HMCN1: variants seen among roughly 807,000 people sequenced by gnomAD.
The protein encoded by HMCN1 is hemicentin 1.
A neutral mutation model predicts 625.9 loss-of-function variants in HMCN1; 321 were observed. That is an observed-to-expected ratio of 0.51 (90% CI 0.47 to 0.56). HMCN1 has a LOEUF of 0.56. Among genes scored for constraint, HMCN1 ranks in the 20% least tolerant of loss-of-function variants. The pLI is 0.00. For missense variants in HMCN1, 6,588 were observed against 6,887.3 expected, an observed-to-expected ratio of 0.96 and a Z score of 1.54; for synonymous variants, 2,425 against 2,417.6, an observed-to-expected ratio of 1.00 and a Z score of -0.09.
rs1404575992 is a variant in HMCN1 at position 186,019,537 on chromosome 1, A to T, written c.5471-4A>T. On this transcript the variant is annotated splice_region_variant and splice_polypyrimidine_tract_variant and intron_variant, in intron 34 of 106. Transcript: ENST00000271588. ...CATTCCCTCTCCCCCTTCCTTAAAT[A>T]TAGTTCCTCCAACAATCAAGTCCTC... is the stretch of plus-strand genomic sequence containing the variant. 6.2e-7 allele frequency: 1 copy of T among 1,605,392 alleles called. No individual in the cohort carries two copies. The highest frequency in any genetic ancestry group is 8.5e-7 in the Non-Finnish European group (1 of 1,172,754).
At chr1:185,945,969 G>A (rs1309750234) in intron 11 of HMCN1, among the ~76,000 whole-genome samples, 2 of 152,178 alleles carry the variant, frequency 1.3e-5, no homozygotes, top group Non-Finnish European at 2.9e-5. Flanking sequence ...TTATGCTCTG[G>A]GAGATTTAGG....
intron 65 of HMCN1, 101 bp from the exon 66 acceptor site, chr1:186,093,385 G>A: frequency 6.3e-7 from 1 of 1,578,822 alleles, no homozygotes; most frequent in Non-Finnish European, 8.7e-7. Flanking sequence ...TTTCCTTTTG[G>A]GCTACAATTT....
intron 80 of HMCN1, among the ~76,000 whole-genome samples, chr1:186,121,931 T>C (rs970666599): frequency 3.3e-5 from 5 of 152,100 alleles, no homozygotes; most frequent in Non-Finnish European, 5.9e-5. Flanking sequence ...GGTTAGTGTT[T>C]CAAGAAGAGA....
intron 4 of HMCN1, among the ~76,000 whole-genome samples, chr1:185,890,086 G>GT (rs1664956895): frequency 6.6e-6 from 1 of 151,864 alleles, no homozygotes; most frequent in Admixed American, 6.5e-5. Flanking sequence ...AGATTTTCTA[G>GT]TTTATTAGCT....
Position 186,087,222 on chromosome 1 carries a change from C to T in HMCN1, c.9052C>T (p.Arg3018Ter). Reference protein sequence around the residue: ...NTNTLIVPGGRTLQIIRAKVS... With the variant: ...NTNTLIVPGG ...TGCATTCTATTTACCTACAGGTGGTCGAACTCTACAGATTATTCGGGCCAA... is the reference window on the plus strand; with the variant it reads ...TGCATTCTATTTACCTACAGGTGGTTGAACTCTACAGATTATTCGGGCCAA... Residue 3018 changes from arginine (R) to a stop codon, truncating the protein, a stop_gained, in exon 59 of 107, where the codon CGA (arginine) becomes TGA (stop). Coordinates refer to ENST00000271588, the MANE Select transcript of HMCN1 (RefSeq NM_031935.3). LOFTEE classifies it high-confidence loss of function. The T allele has an allele frequency of 6.2e-7, 1 of 1,607,002 alleles. No homozygotes were observed. Among genetic ancestry groups the T allele is most frequent in the Non-Finnish European group, 8.5e-7 (1 of 1,173,966 alleles).
At position 186,039,746 on chromosome 1, in the gene HMCN1, G is replaced by T. The variant is rs1454527622; in HGVS notation, c.6047G>T (p.Gly2016Val). 13 of 1,613,340 alleles carry T rather than the reference G, an allele frequency of 8.1e-6. No homozygotes were observed. Among genetic ancestry groups the T allele is most frequent in the Non-Finnish European group, 1.1e-5 (13 of 1,179,600 alleles). ...TTTTCAGTGGCCCCATCAATTTCTGGCAGCAATAACATGGTGGCAGTGGTG... is the reference window on the plus strand; with the variant it reads ...TTTTCAGTGGCCCCATCAATTTCTGTCAGCAATAACATGGTGGCAGTGGTG... Reference protein sequence around the residue: ...LQVHVAPSISGSNNMVAVVVN... With the variant: ...LQVHVAPSISVSNNMVAVVVN... Residue 2016 changes from glycine (G) to valine (V), a missense_variant, in exon 39 of 107, where the codon GGC (glycine) becomes GTC (valine). Coordinates refer to ENST00000271588, the MANE Select transcript of HMCN1 (RefSeq NM_031935.3).
chr1:185,915,555 G>A (rs1666655709), intron 6 of HMCN1, among the ~76,000 whole-genome samples: 1 of 152,006 alleles, frequency 6.6e-6, no homozygotes, highest in Non-Finnish European at 1.5e-5. Flanking sequence ...TGGATAAACT[G>A]TCTTTAGATA....
At chr1:186,036,519 T>A (rs1488057859) in intron 36 of HMCN1, among the ~76,000 whole-genome samples, 1 of 151,912 alleles carries the variant, frequency 6.6e-6, no homozygotes, top group Non-Finnish European at 1.5e-5. Flanking sequence ...TACCAATGGG[T>A]CCCTCCCAGC....
intron 1 of HMCN1, among the ~76,000 whole-genome samples, chr1:185,778,087 C>T (rs1179443702): frequency 6.6e-6 from 1 of 152,114 alleles, no homozygotes; most frequent in African/African-American, 2.4e-5. Context: ...TCAGATCTTC[C>T]AGAGTCAAGA....
intron 1 of HMCN1, among the ~76,000 whole-genome samples, chr1:185,772,601 A>G (rs1332462117): frequency 6.6e-6 from 1 of 152,172 alleles, no homozygotes; most frequent in Non-Finnish European, 1.5e-5. Context: ...GGAGGTGTGG[A>G]GTAGAAAAGA....
At chr1:185,922,313 C>G in intron 6 of HMCN1, 66 bp from the exon 7 acceptor site, 1 of 1,580,646 alleles carries the variant, frequency 6.3e-7, no homozygotes. Context: ...CCCATACTGG[C>G]GAGGGTTGCA....
chr1:186,087,786 T>A, intron 60 of HMCN1, 141 bp downstream of exon 60: 1 of 1,171,284 alleles, frequency 8.5e-7, no homozygotes, highest in Non-Finnish European at 1.3e-6. Context: ...ATTGACTATT[T>A]TTATAAAAAA....
intron 4 of HMCN1, among the ~76,000 whole-genome samples, chr1:185,868,939 T>C (rs899499236): frequency 6.6e-6 from 1 of 152,176 alleles, no homozygotes. Flanking sequence ...AGAATAGCAC[T>C]AGAGAGAAGC....
At chr1:185,986,476 G>A (rs1652006008) in intron 19 of HMCN1, among the ~76,000 whole-genome samples, 1 of 152,106 alleles carries the variant, frequency 6.6e-6, no homozygotes, top group African/African-American at 2.4e-5. Flanking sequence ...TTTCATATAT[G>A]CAAGCTTCTT....
chr1:186,133,453 CAG>C (rs1205765119), intron 86 of HMCN1, among the ~76,000 whole-genome samples: 1 of 152,106 alleles, frequency 6.6e-6, no homozygotes, highest in Admixed American at 6.6e-5. Flanking sequence ...CATCGGAAAA[CAG>C]AGCATCCATA....
At chr1:186,069,807 G>T (rs1206661876) in intron 51 of HMCN1, 31 bp downstream of exon 51, 1 of 1,444,488 alleles carries the variant, frequency 6.9e-7, no homozygotes, top group Non-Finnish European at 9.7e-7. Context: ...ATGTTTCATA[G>T]CTTCCCCAAT....
At chr1:186,067,266 T>C (rs10911810) in intron 49 of HMCN1, among the ~76,000 whole-genome samples, 80,906 of 151,790 alleles carry the variant, frequency 0.53, 21,734 homozygotes, top group Admixed American at 0.61. Flanking sequence ...TCTAGTTCAG[T>C]TCCTCGTTAT....
At chr1:186,052,870 G>T in intron 42 of HMCN1, 82 bp from the exon 43 acceptor site, 4 of 1,182,230 alleles carry the variant, frequency 3.4e-6, no homozygotes, top group Non-Finnish European at 3.8e-6. Flanking sequence ...CATTTGAGTA[G>T]AAGCCTTTTA....
In HMCN1 at chr1:186,095,324, C is replaced by G. The variant is rs368156683; in HGVS notation, c.10376C>G (p.Thr3459Ser). The G allele has an allele frequency of 3.7e-6, 6 of 1,613,768 alleles. No individual in the cohort carries two copies. The highest frequency in any genetic ancestry group is 5.1e-6 in the Non-Finnish European group (6 of 1,179,836). The change falls in exon 68 of 107, where the codon ACT becomes AGT. Residue 3459 changes from threonine (T) to serine (S), a missense_variant. Around this residue, in one of 3 missense-constraint regions of HMCN1, gnomAD observed 4,628 missense variants for 4,853.1 expected, o/e 0.95. Transcript: ENST00000271588. ...KGSSTSMACI[T>S]DGTPAPSMAW... The stretch of plus-strand genomic sequence containing the variant: ...AGTTCCACCTCTATGGCATGCATTA[C>G]TGATGGAACCCCAGCTCCCAGTATG...
Sources: gnomAD v4.1 joint callset for allele counts (sites outside exome capture counted in the v4.1 genomes callset) on GRCh38, gnomAD v4.1.1 for gene constraint, gnomAD v4.1.1 regional missense constraint, MANE v1.5 for transcripts, NCBI Gene and HGNC (gene_info 2026-07-23, HGNC 2026-07-21) for gene names.